TMPRSS2: variants seen among roughly 807,000 people sequenced by gnomAD.
The protein encoded by TMPRSS2 is transmembrane protease serine 2.
A neutral mutation model predicts 67.4 loss-of-function variants in TMPRSS2; 59 were observed. That is an observed-to-expected ratio of 0.88 (90% CI 0.71 to 1.09). The LOEUF (loss-of-function observed/expected upper bound fraction) is 1.09, where lower values mean the gene tolerates loss of function less well. Ranked by LOEUF, TMPRSS2 falls within the 50% of genes least tolerant of loss-of-function variation. TMPRSS2 has a pLI of 0.00. For synonymous variants in TMPRSS2, 257 were observed against 257.0 expected, an observed-to-expected ratio of 1.00 and a Z score of 0.00; for missense variants, 668 against 642.7, an observed-to-expected ratio of 1.04 and a Z score of -0.43.
chr21:41,504,592 G>A (rs1364666236), intron 1 of TMPRSS2, among the ~76,000 whole-genome samples: 1 of 152,188 alleles, frequency 6.6e-6, no homozygotes, highest in Non-Finnish European at 1.5e-5. Flanking sequence ...CTCTGTTCTA[G>A]GTCATGCTGA....
chr21:41,496,310 C>T (rs2091382126), intron 2 of TMPRSS2, among the ~76,000 whole-genome samples: 6 of 152,210 alleles, frequency 3.9e-5, no homozygotes, highest in Admixed American at 3.3e-4. Context: ...CTTCTACATC[C>T]TCTTCTCTCA....
intron 5 of TMPRSS2, among the ~76,000 whole-genome samples, chr21:41,485,713 C>G (rs186847776): frequency 0.014 from 2,082 of 151,754 alleles, 43 homozygotes; most frequent in Middle Eastern, 0.021. Context: ...CTTAACCTCA[C>G]GCTACTCAAT....
chr21:41,478,905 C>T lies in TMPRSS2; in HGVS notation c.683+267G>A, dbSNP rs374014272. Among the ~76,000 whole-genome samples, 2 of 152,246 alleles carry T rather than the reference C, an allele frequency of 1.3e-5. No individual in the cohort carries two copies. The highest frequency in any genetic ancestry group is 4.8e-5 in the African/African-American group (2 of 41,528). ...AAGAAAACTAAATAGAGTTGAATGTCGATGTTGCAAGTGTGAGCCGCTACC... is the reference window on the plus strand; with the variant it reads ...AAGAAAACTAAATAGAGTTGAATGTTGATGTTGCAAGTGTGAGCCGCTACC... On this transcript the variant is annotated intron_variant, in intron 7 of 13. Coordinates refer to ENST00000332149, the MANE Select transcript of TMPRSS2 (RefSeq NM_005656.4). This position sits in a 1 kb window ranked among gnomAD's most constrained non-coding sequence, Gnocchi z 4.0.
intron 1 of TMPRSS2, among the ~76,000 whole-genome samples, chr21:41,503,173 A>G (rs2091435511): frequency 6.6e-6 from 1 of 152,236 alleles, no homozygotes; most frequent in Non-Finnish European, 1.5e-5. Flanking sequence ...GAAATTTAGC[A>G]GAGGGCGATA....
At chr21:41,479,630 G>A (rs1387870147) in intron 6 of TMPRSS2, among the ~76,000 whole-genome samples, 1 of 16,158 alleles carries the variant, frequency 6.2e-5, no homozygotes, top group Non-Finnish European at 2.5e-4. Flanking sequence ...CAGGTTCCTG[G>A]ACTGTGATGG....
chr21:41,473,168 G>A (rs1334714304), intron 9 of TMPRSS2, among the ~76,000 whole-genome samples, 157 bp downstream of exon 9: 3 of 152,174 alleles, frequency 2.0e-5, no homozygotes, highest in East Asian at 3.9e-4. Context: ...TGGCATGAGC[G>A]CACTTGATGT....
intron 11 of TMPRSS2, 54 bp downstream of exon 11, chr21:41,470,594 C>T (rs959917181): frequency 7.1e-6 from 11 of 1,554,876 alleles, no homozygotes; most frequent in Middle Eastern, 3.4e-4. Flanking sequence ...CACTTCCGAA[C>T]CCAATGCTCC....
intron 8 of TMPRSS2, among the ~76,000 whole-genome samples, chr21:41,476,229 G>A (rs1404184684): frequency 2.0e-5 from 3 of 152,182 alleles, no homozygotes; most frequent in Non-Finnish European, 2.9e-5. Context: ...CCAAGTCCAC[G>A]TTAGGTGGCT....
At chr21:41,476,547 T>C in intron 8 of TMPRSS2, 30 bp downstream of exon 8, 1 of 1,607,092 alleles carries the variant, frequency 6.2e-7, no homozygotes, top group East Asian at 2.2e-5. Context: ...TAGTTAGAAG[T>C]ATCAAAAGGG....
chr21:41,505,319 T>C (rs1050575968), intron 1 of TMPRSS2, among the ~76,000 whole-genome samples: 1 of 152,160 alleles, frequency 6.6e-6, no homozygotes, highest in African/African-American at 2.4e-5. Context: ...CCCATATTAT[T>C]ACGAAGATCC....
intron 2 of TMPRSS2, among the ~76,000 whole-genome samples, chr21:41,494,937 T>C (rs966908391): frequency 1.1e-4 from 17 of 151,740 alleles, no homozygotes; most frequent in Admixed American, 8.5e-4. Context: ...GGTATGATGG[T>C]GGGCGCCTAT....
At chr21:41,488,290 C>T (rs138705806) in intron 5 of TMPRSS2, 104 bp downstream of exon 5, 31 of 1,331,984 alleles carry the variant, frequency 2.3e-5, no homozygotes, top group Middle Eastern at 5.4e-4. Flanking sequence ...CATGTGTCAG[C>T]GTACTGGACG....
At chr21:41,489,220 G>A (rs1431723530) in intron 4 of TMPRSS2, among the ~76,000 whole-genome samples, 1 of 152,230 alleles carries the variant, frequency 6.6e-6, no homozygotes, top group Non-Finnish European at 1.5e-5. Context: ...CCACTGCTGT[G>A]CAGTGAGATA....
intron 5 of TMPRSS2, chr21:41,487,452 T>A (rs2086142825): frequency 6.6e-6 from 1 of 152,210 alleles, no homozygotes; most frequent in African/African-American, 2.4e-5. Flanking sequence ...ACAGGAGGAA[T>A]AAGTTCGAGC....
At chr21:41,505,554 GC>G (rs2091452019) in intron 1 of TMPRSS2, among the ~76,000 whole-genome samples, 1 of 152,118 alleles carries the variant, frequency 6.6e-6, no homozygotes, top group Admixed American at 6.6e-5. Flanking sequence ...TCAGCCCTCC[GC>G]AGGCCCCCTT....
rs1367981815 is a variant in TMPRSS2, at chr21:41,468,814, T to C, written c.1172-276A>G. ...AAACTATAGGGCTCTATCAGTGCCATGGAATCCCCCTCTTATTCACCCAAC... is the reference window on the plus strand; with the variant it reads ...AAACTATAGGGCTCTATCAGTGCCACGGAATCCCCCTCTTATTCACCCAAC... On this transcript the variant is annotated intron_variant, in intron 11 of 13. Coordinates refer to ENST00000332149, the MANE Select transcript of TMPRSS2 (RefSeq NM_005656.4). 7.7e-6 allele frequency: 3 copies of C among 389,428 alleles called. No homozygotes were observed. In the Admixed American group the frequency reaches 1.1e-4, roughly 14 times the overall value. 24.1% of individuals were successfully genotyped at this position (389,428 alleles called of 1,614,324 possible).
At chr21:41,469,057 C>T (rs1310362404) in intron 11 of TMPRSS2, among the ~76,000 whole-genome samples, 4 of 152,162 alleles carry the variant, frequency 2.6e-5, no homozygotes, top group Admixed American at 2.0e-4. Context: ...TGCCTCCCCT[C>T]GGGCATCTTC....
Position 41,468,471 on chromosome 21 carries a change from T to C in TMPRSS2, c.1239A>G (p.Arg413=), listed in dbSNP as rs893472530. 17 of 1,614,090 alleles carry C rather than the reference T, an allele frequency of 1.1e-5. No homozygotes were observed. The highest frequency in any genetic ancestry group is 1.6e-4 in the Middle Eastern group (1 of 6,080). Residue 413 remains arginine (R), a synonymous_variant, in exon 12 of 14, where the codon AGA becomes AGG. Coordinates refer to ENST00000332149, the MANE Select transcript of TMPRSS2 (RefSeq NM_005656.4). ...LLIETQRCNS[R]YVYDNLITPA... ...GTGTGATCAGGTTGTCATAGACATA[T>C]CTGCTGTTGCATCTCTGTGTCTCAA...
At chr21:41,498,900 A>C (rs112853448) in intron 1 of TMPRSS2, among the ~76,000 whole-genome samples, 5 of 152,184 alleles carry the variant, frequency 3.3e-5, no homozygotes, top group African/African-American at 1.2e-4. Flanking sequence ...GTTGTGGGAG[A>C]GTGGGGAAAG....
Sources: gnomAD v4.1 joint callset for allele counts (sites outside exome capture counted in the v4.1 genomes callset) on GRCh38, gnomAD v4.1.1 for gene constraint, Gnocchi (gnomAD v3.1) non-coding constraint, MANE v1.5 for transcripts, NCBI Gene and HGNC (gene_info 2026-07-23, HGNC 2026-07-21) for gene names.